Variants in DOCK3 observed in about 807,000 individuals in gnomAD.
The protein encoded by DOCK3 is dedicator of cytokinesis 3.
In DOCK3, 60 loss-of-function variants were observed where a neutral mutation model predicts 265.6. The ratio of observed to expected loss-of-function variants is 0.23; its 90% CI spans 0.18 to 0.28. DOCK3 has a LOEUF of 0.28. Ranked by LOEUF, DOCK3 falls within the 10% of genes least tolerant of loss-of-function variation. DOCK3 has a pLI of 1.00. For missense variants in DOCK3, 1,981 were observed against 2,594.3 expected (o/e 0.76, Z 5.14); for synonymous variants, 881 against 938.0 (o/e 0.94, Z 1.11).
intron 1 of DOCK3, among the ~76,000 whole-genome samples, chr3:50,761,404 A>G (rs941578000): frequency 2.0e-5 from 3 of 152,184 alleles, no homozygotes; most frequent in Non-Finnish European, 4.4e-5. Context: ...TAGCCTTAGA[A>G]CACCTTAACA....
chr3:50,813,556 T>C (rs1366894688), intron 2 of DOCK3, among the ~76,000 whole-genome samples: 1 of 151,988 alleles, frequency 6.6e-6, no homozygotes, highest in African/African-American at 2.4e-5. Flanking sequence ...GAAAATGCAT[T>C]TAATACCTCA....
At chr3:51,192,075 A>C (rs1212035411) in intron 12 of DOCK3, among the ~76,000 whole-genome samples, 2 of 151,228 alleles carry the variant, frequency 1.3e-5, no homozygotes, top group Non-Finnish European at 2.9e-5. Context: ...TTTGCTGTGC[A>C]GAAGCTTTTT....
intron 23 of DOCK3, among the ~76,000 whole-genome samples, chr3:51,269,123 C>CACTG (rs1400973807): frequency 6.8e-6 from 1 of 146,202 alleles, no homozygotes; most frequent in African/African-American, 2.5e-5. Context: ...CTCACTGTCT[C>CACTG]TCTCTCTCTC....
intron 39 of DOCK3, among the ~76,000 whole-genome samples, 164 bp downstream of exon 39, chr3:51,349,102 A>C (rs2085794532): frequency 6.6e-6 from 1 of 152,178 alleles, no homozygotes; most frequent in African/African-American, 2.4e-5. Context: ...GGAAACCAAA[A>C]ATAACACCTG....
At chr3:51,089,189 T>A in intron 7 of DOCK3, 54 bp from the exon 8 acceptor site, 1 of 1,553,034 alleles carries the variant, frequency 6.4e-7, no homozygotes, top group Non-Finnish European at 8.7e-7. Flanking sequence ...AAGTTCTTAA[T>A]AAAATTTAGT....
chr3:50,959,736 C>A (rs1575613787), intron 5 of DOCK3, among the ~76,000 whole-genome samples: 1 of 152,008 alleles, frequency 6.6e-6, no homozygotes, highest in Non-Finnish European at 1.5e-5. Context: ...CCCGCCACCA[C>A]GCCCGGCTAA....
At chr3:50,982,072 C>G (rs1315461610) in intron 5 of DOCK3, among the ~76,000 whole-genome samples, 1 of 152,122 alleles carries the variant, frequency 6.6e-6, no homozygotes, top group Non-Finnish European at 1.5e-5. Flanking sequence ...TGATCTTGAA[C>G]TCTTGACCTC....
intron 3 of DOCK3, among the ~76,000 whole-genome samples, chr3:50,849,044 T>A (rs1211518802): frequency 6.6e-6 from 1 of 152,156 alleles, no homozygotes; most frequent in Non-Finnish European, 1.5e-5. Context: ...ACTTTTTTTT[T>A]CTTTTCTTGA....
chr3:51,002,463 A>T (rs988396394), intron 5 of DOCK3, among the ~76,000 whole-genome samples: 1 of 152,116 alleles, frequency 6.6e-6, no homozygotes, highest in African/African-American at 2.4e-5. Context: ...AAGTTTATTG[A>T]TCTTTTATAG....
chr3:50,979,270 C>T (rs895443497), intron 5 of DOCK3, among the ~76,000 whole-genome samples: 16 of 152,190 alleles, frequency 1.1e-4, no homozygotes, highest in African/African-American at 3.9e-4. Flanking sequence ...AAATTTATTT[C>T]TAGGTTTTTA....
intron 14 of DOCK3, among the ~76,000 whole-genome samples, chr3:51,221,333 A>G (rs1273585208): frequency 6.6e-6 from 1 of 152,176 alleles, no homozygotes; most frequent in Non-Finnish European, 1.5e-5. Flanking sequence ...TGTTCTTCAC[A>G]CATAAACGTT....
At chr3:51,071,465 GT>G (rs1248201948) in intron 6 of DOCK3, among the ~76,000 whole-genome samples, 1 of 152,086 alleles carries the variant, frequency 6.6e-6, no homozygotes, top group Admixed American at 6.6e-5. Flanking sequence ...TGTTTAAAGA[GT>G]TTTTTATCCA....
intron 1 of DOCK3, among the ~76,000 whole-genome samples, chr3:50,743,394 C>T (rs947928691): frequency 7.4e-4 from 112 of 151,450 alleles, no homozygotes; most frequent in Non-Finnish European, 1.3e-3. Context: ...AGGACACAGA[C>T]TGGCAAATTG....
intron 5 of DOCK3, among the ~76,000 whole-genome samples, chr3:51,035,694 T>C (rs143632508): frequency 4.8e-4 from 73 of 152,316 alleles, no homozygotes; most frequent in African/African-American, 1.7e-3. Context: ...TTTTTGTTGA[T>C]CCTGAGAGTA....
exon 53 of DOCK3, chr3:51,384,193 TACTGATCC>T (rs2088838474): frequency 6.6e-6 from 1 of 152,616 alleles, no homozygotes; most frequent in African/African-American, 2.4e-5. Context: ...AAATACGTGA[TACTGATCC>T]ACTGAATTCA....
intron 24 of DOCK3, among the ~76,000 whole-genome samples, chr3:51,273,357 A>G (rs1183176290): frequency 6.6e-6 from 1 of 152,162 alleles, no homozygotes; most frequent in Admixed American, 6.5e-5. Context: ...AACAGCACCA[A>G]AATTTCATTT....
intron 22 of DOCK3, among the ~76,000 whole-genome samples, chr3:51,256,654 C>T (rs1370896176): frequency 6.7e-6 from 1 of 149,182 alleles, no homozygotes; most frequent in Non-Finnish European, 1.5e-5. Context: ...ACTGCAGAGG[C>T]ACAATCTTGG....
At chr3:51,167,119 C>T (rs1038065994) in intron 12 of DOCK3, among the ~76,000 whole-genome samples, 1 of 152,088 alleles carries the variant, frequency 6.6e-6, no homozygotes. Context: ...TAATCTCTTT[C>T]GAGTTAGTTT....
intron 27 of DOCK3, among the ~76,000 whole-genome samples, chr3:51,300,519 A>C (rs1053861945): frequency 1.1e-4 from 17 of 152,140 alleles, no homozygotes; most frequent in African/African-American, 3.4e-4. Flanking sequence ...CCCATTCAGT[A>C]TGATATTGGC....
Sources: gnomAD v4.1 joint callset for allele counts (sites outside exome capture counted in the v4.1 genomes callset) on GRCh38, gnomAD v4.1.1 for gene constraint, MANE v1.5 for transcripts, NCBI Gene and HGNC (gene_info 2026-07-23, HGNC 2026-07-21) for gene names.